Variants in THSD4 observed in about 807,000 individuals in gnomAD.
The protein encoded by THSD4 is thrombospondin type 1 domain containing 4.
Under a neutral mutation model 119.0 loss-of-function variants are expected in THSD4, and 69 were observed. The observed-to-expected ratio is 0.58, with a 90% CI of 0.48 to 0.71. THSD4 has a LOEUF of 0.71. Among genes scored for constraint, THSD4 ranks in the 30% least tolerant of loss-of-function variants. The pLI is 0.00. For missense variants in THSD4, 1,393 were observed against 1,391.1 expected, an observed-to-expected ratio of 1.00 and a Z score of -0.02; for synonymous variants, 524 against 540.4, an observed-to-expected ratio of 0.97 and a Z score of 0.42.
chr15:71,506,551 A>G (rs759337289), intron 7 of THSD4, among the ~76,000 whole-genome samples: 5 of 152,238 alleles, frequency 3.3e-5, no homozygotes, highest in Non-Finnish European at 7.3e-5. Flanking sequence ...CCTCCAGCAC[A>G]AGTGCCCCAC....
intron 6 of THSD4, among the ~76,000 whole-genome samples, chr15:71,271,305 C>G (rs1336853050): frequency 2.6e-5 from 4 of 152,138 alleles, no homozygotes; most frequent in Admixed American, 6.5e-5. Context: ...AAAGAACACA[C>G]TACTGACACA....
intron 6 of THSD4, among the ~76,000 whole-genome samples, chr15:71,404,900 T>G (rs1172761394): frequency 2.6e-5 from 2 of 77,514 alleles, no homozygotes; most frequent in Admixed American, 3.8e-4. Context: ...TTCTTTGCTT[T>G]TCTTTTTTGA....
At chr15:71,217,483 C>T (rs574138495) in intron 4 of THSD4, among the ~76,000 whole-genome samples, 2 of 151,998 alleles carry the variant, frequency 1.3e-5, no homozygotes, top group South Asian at 2.1e-4. Context: ...ATTAGCCAGA[C>T]GTGGTGGCGG....
intron 3 of THSD4, among the ~76,000 whole-genome samples, chr15:71,177,838 C>T (rs1307334827): frequency 6.0e-5 from 9 of 150,932 alleles, no homozygotes; most frequent in African/African-American, 1.5e-4. Context: ...GTTCAATATA[C>T]GCAAATCAAT....
chr15:71,426,718 A>G (rs2046874664), intron 7 of THSD4, among the ~76,000 whole-genome samples: 1 of 152,142 alleles, frequency 6.6e-6, no homozygotes, highest in South Asian at 2.1e-4. Context: ...TCTTATAAAC[A>G]CCCCAAGCAA....
chr15:71,117,335 G>A (rs1453889238), intron 1 of THSD4, among the ~76,000 whole-genome samples: 1 of 152,094 alleles, frequency 6.6e-6, no homozygotes, highest in African/African-American at 2.4e-5. Context: ...TTTTTGACTT[G>A]GAGTTTGTTT....
chr15:71,523,698 A>C (rs1235631899), intron 7 of THSD4, among the ~76,000 whole-genome samples: 1 of 152,170 alleles, frequency 6.6e-6, no homozygotes, highest in Non-Finnish European at 1.5e-5. Context: ...GAGCCATGGG[A>C]ATAAAGAGGA....
chr15:71,245,913 A>G (rs187366242), intron 5 of THSD4, among the ~76,000 whole-genome samples: 31 of 152,132 alleles, frequency 2.0e-4, no homozygotes, highest in Middle Eastern at 3.4e-3. Flanking sequence ...CAGTTCAGCT[A>G]TGTTGCTTTT....
chr15:71,509,554 C>T (rs117083492), intron 7 of THSD4, among the ~76,000 whole-genome samples: 37 of 152,322 alleles, frequency 2.4e-4, no homozygotes, highest in Non-Finnish European at 4.0e-4. Flanking sequence ...AAGGGCATTT[C>T]GACTTCAAGA....
At chr15:71,182,587 C>T (rs1323513869) in intron 3 of THSD4, among the ~76,000 whole-genome samples, 1 of 151,760 alleles carries the variant, frequency 6.6e-6, no homozygotes, top group Non-Finnish European at 1.5e-5. Context: ...CTTCTAAATT[C>T]CCACTATGTT....
chr15:71,683,308 A>G, intron 8 of THSD4, among the ~76,000 whole-genome samples: 1 of 152,086 alleles, frequency 6.6e-6, no homozygotes, highest in Non-Finnish European at 1.5e-5. Context: ...TAAGGAAAAA[A>G]AAAATCCTAT....
chr15:71,273,520 T>C (rs2044556950), intron 6 of THSD4, among the ~76,000 whole-genome samples: 1 of 152,156 alleles, frequency 6.6e-6, no homozygotes, highest in South Asian at 2.1e-4. Flanking sequence ...TATTTCAAAG[T>C]TGCTAAAAGA....
chr15:71,494,456 C>A (rs2047978243), intron 7 of THSD4, among the ~76,000 whole-genome samples: 1 of 152,106 alleles, frequency 6.6e-6, no homozygotes, highest in Admixed American at 6.6e-5. Context: ...AGGACACTGG[C>A]TTTTAATTAA....
At chr15:71,167,906 A>G (rs951615476) in intron 3 of THSD4, among the ~76,000 whole-genome samples, 4 of 152,190 alleles carry the variant, frequency 2.6e-5, no homozygotes, top group Non-Finnish European at 5.9e-5. Flanking sequence ...TGTCAAGTAA[A>G]CTATGCATTT....
chr15:71,160,128 T>G (rs1193516879), intron 3 of THSD4, among the ~76,000 whole-genome samples: 3 of 152,178 alleles, frequency 2.0e-5, no homozygotes, highest in African/African-American at 7.2e-5. Context: ...CATGTATTGA[T>G]TTACATATGT....
At chr15:71,335,926 A>G (rs970496008) in intron 6 of THSD4, among the ~76,000 whole-genome samples, 2 of 152,152 alleles carry the variant, frequency 1.3e-5, no homozygotes, top group African/African-American at 2.4e-5. Context: ...GGAGAAGGGC[A>G]TGGGGGTGGG....
rs114109972 is a variant in THSD4 at position 71,726,375 on chromosome 15, A to T, written c.1358-2174A>T. 9.4e-3 allele frequency among the ~76,000 whole-genome samples: 1,436 copies of T among 152,292 alleles called. 30 individuals are homozygous for T. The highest frequency in any genetic ancestry group is 0.033 in the African/African-American group (1,375 of 41,562). ...TTGTAGGAACGCGGCTGAAAAAATG[A>T]GTTTAAGAAAAAGTTCTTATATTTT... On this transcript the variant is annotated intron_variant, in intron 8 of 17. Coordinates refer to ENST00000261862, the MANE Select transcript of THSD4 (RefSeq NM_024817.3).
At chr15:71,100,155 T>C (rs1229566837) in intron 1 of THSD4, among the ~76,000 whole-genome samples, 3 of 152,202 alleles carry the variant, frequency 2.0e-5, no homozygotes, top group Non-Finnish European at 4.4e-5. Flanking sequence ...TGGATTTATA[T>C]TGTTGTTTAA....
intron 4 of THSD4, among the ~76,000 whole-genome samples, chr15:71,222,449 C>G (rs75598421): frequency 0.036 from 5,492 of 152,264 alleles, 367 homozygotes; most frequent in African/African-American, 0.13. Flanking sequence ...TATTTGATGG[C>G]TTTAATTCAG....
Sources: allele counts gnomAD v4.1 joint callset (sites outside exome capture counted in the v4.1 genomes callset), GRCh38; gene constraint gnomAD v4.1.1; transcripts MANE v1.5; gene names NCBI Gene and HGNC (gene_info 2026-07-23, HGNC 2026-07-21).